The following PIWIL4 variants were observed in gnomAD, a reference collection of about 807,000 sequenced individuals.
PIWIL4 encodes the protein piwi-like protein 4.
In PIWIL4, 50 loss-of-function variants were observed where a neutral mutation model predicts 100.9. The ratio of observed to expected loss-of-function variants is 0.50; its 90% CI spans 0.39 to 0.63. The LOEUF is 0.63. Among genes scored for constraint, PIWIL4 ranks in the 20% least tolerant of loss-of-function variants. PIWIL4 has a pLI of 0.00. For synonymous variants in PIWIL4, 342 were observed against 367.5 expected, an observed-to-expected ratio of 0.93 and a Z score of 0.79; for missense variants, 887 against 1,043.3, an observed-to-expected ratio of 0.85 and a Z score of 2.06.
chr11:94,587,388 G>A, intron 7 of PIWIL4, 141 bp downstream of exon 7: 1 of 919,136 alleles, frequency 1.1e-6, no homozygotes, highest in Non-Finnish European at 1.6e-6. Context: ...TGGTTGTTTT[G>A]CTGTCTGGAG....
chr11:94,574,402 C>T (rs899567916), intron 2 of PIWIL4, among the ~76,000 whole-genome samples: 1 of 152,196 alleles, frequency 6.6e-6, no homozygotes, highest in Non-Finnish European at 1.5e-5. Flanking sequence ...GAGAGCTGCC[C>T]TCCCTAAATA....
intron 15 of PIWIL4, among the ~76,000 whole-genome samples, chr11:94,614,342 T>C (rs1156588201): frequency 6.7e-6 from 1 of 149,072 alleles, no homozygotes; most frequent in Non-Finnish European, 1.5e-5. Context: ...AGTTTCGCTC[T>C]TGTCACGCAG....
intron 2 of PIWIL4, among the ~76,000 whole-genome samples, chr11:94,570,283 C>A (rs375334688): frequency 7.6e-4 from 115 of 152,182 alleles, no homozygotes; most frequent in African/African-American, 2.7e-3. Flanking sequence ...TATTTTCTCA[C>A]AAATCTGGAT....
Position 94,589,149 on chromosome 11 carries a change from G to A in PIWIL4, c.943G>A (p.Asp315Asn), listed in dbSNP as rs764738742. Residue 315 changes from aspartate to asparagine, a missense_variant, in exon 8 of 20, where the codon GAC (aspartate) becomes AAC (asparagine). By Grantham distance (23) the Asp-to-Asn change is conservative. Transcript: ENST00000299001. ...CAATAACAGAACCTACTCCATTGATGACATTGACTGGTCAGTGAAGCCCAC... is the reference window on the plus strand; with the variant it reads ...CAATAACAGAACCTACTCCATTGATAACATTGACTGGTCAGTGAAGCCCAC... ...RYNNRTYSID[D>N]IDWSVKPTHT... The A allele has an allele frequency of 1.2e-5, 20 of 1,611,854 alleles. No homozygotes were observed. In the South Asian group the frequency reaches 2.1e-4, roughly 17 times the overall value.
chr11:94,587,327 A>G, intron 7 of PIWIL4, 80 bp downstream of exon 7: 2 of 1,374,442 alleles, frequency 1.5e-6, no homozygotes, highest in Non-Finnish European at 2.0e-6. Context: ...GTGTTGGAGT[A>G]TTGGCCCAAT....
intron 15 of PIWIL4, among the ~76,000 whole-genome samples, chr11:94,614,914 G>A (rs1323522649): frequency 6.6e-6 from 1 of 152,256 alleles, no homozygotes; most frequent in Non-Finnish European, 1.5e-5. Flanking sequence ...TGCTCATTTT[G>A]TGTACCTTCT....
chr11:94,595,566 A>G (rs1948546361), intron 10 of PIWIL4, 140 bp downstream of exon 10: 1 of 680,348 alleles, frequency 1.5e-6, no homozygotes, highest in Non-Finnish European at 2.4e-6. Flanking sequence ...TGCTGTCCAC[A>G]GCCCTTCATC....
chr11:94,614,300 C>CTTTTTTTTTTTTTT (rs57731239), intron 15 of PIWIL4, among the ~76,000 whole-genome samples: 15 of 120,126 alleles, frequency 1.2e-4, no homozygotes, highest in South Asian at 2.7e-4. Flanking sequence ...TTTTTCTTTT[C>CTTTTTTTTTTTTTT]TTTTTTTTTT....
At chr11:94,603,923 A>G (rs1948680779) in intron 12 of PIWIL4, 61 bp from the exon 13 acceptor site, 1 of 1,010,000 alleles carries the variant, frequency 9.9e-7, no homozygotes, top group Middle Eastern at 3.0e-4. Flanking sequence ...TTCTAATGCC[A>G]TATAAGTATG....
chr11:94,620,764 C>T, intron 19 of PIWIL4, 112 bp from the exon 20 acceptor site: 3 of 725,462 alleles, frequency 4.1e-6, no homozygotes, highest in South Asian at 2.0e-5. Context: ...TGTTGTTTAC[C>T]CAGAAGCCCA....
In PIWIL4 at chr11:94,587,230, G is replaced by A. The variant is rs1263428611; in HGVS notation, c.897G>A (p.Gly299=). The part of the protein sequence containing the change: ...FTQTCEKQLI[G]LIVLTRYNNR... ...AGACGTGTGAGAAGCAGCTAATAGG[G>A]CTCATTGTCCTTACAAGGTACAAGC... Residue 299 remains glycine (G), a synonymous_variant, in exon 7 of 20, where the codon GGG becomes GGA. Coordinates refer to ENST00000299001, the MANE Select transcript of PIWIL4 (RefSeq NM_152431.3). The A allele has an allele frequency of 6.2e-7, 1 of 1,613,854 alleles. No homozygotes were observed. Among genetic ancestry groups the A allele is most frequent in the Non-Finnish European group, 8.5e-7 (1 of 1,179,970 alleles).
chr11:94,598,015 T>A, intron 11 of PIWIL4, 100 bp downstream of exon 11: 2 of 859,298 alleles, frequency 2.3e-6, no homozygotes, highest in South Asian at 3.2e-5. Context: ...AATATTTGGT[T>A]TGGCCATGTA....
chr11:94,568,870 T>G, intron 2 of PIWIL4, 62 bp downstream of exon 2: 1 of 1,454,380 alleles, frequency 6.9e-7, no homozygotes, highest in Non-Finnish European at 9.6e-7. Context: ...AGAGGAGCCC[T>G]GCCAGGCCTT....
At chr11:94,613,440 T>C (rs1948808957) in intron 15 of PIWIL4, among the ~76,000 whole-genome samples, 1 of 152,232 alleles carries the variant, frequency 6.6e-6, no homozygotes, top group African/African-American at 2.4e-5. Context: ...GAATTCTTCT[T>C]TGGGTTGAAC....
intron 5 of PIWIL4, 122 bp from the exon 6 acceptor site, chr11:94,585,323 G>A: frequency 1.6e-6 from 1 of 630,448 alleles, no homozygotes; most frequent in Non-Finnish European, 2.7e-6. Context: ...TTGCAGTCCT[G>A]TGAGAATGAG....
intron 15 of PIWIL4, among the ~76,000 whole-genome samples, chr11:94,610,930 A>G (rs931480475): frequency 1.2e-4 from 19 of 152,140 alleles, no homozygotes; most frequent in African/African-American, 4.6e-4. Context: ...TAAGTCTTTA[A>G]TCCATTTAGA....
chr11:94,596,898 G>GT (rs1242416161), intron 10 of PIWIL4, among the ~76,000 whole-genome samples: 3 of 152,218 alleles, frequency 2.0e-5, no homozygotes, highest in Non-Finnish European at 4.4e-5. Flanking sequence ...CAGAGAGACA[G>GT]TGGTGAAGAG....
chr11:94,613,929 ATTT>A (rs1248718178), intron 15 of PIWIL4, among the ~76,000 whole-genome samples: 1 of 151,548 alleles, frequency 6.6e-6, no homozygotes, highest in African/African-American at 2.4e-5. Context: ...TGTCCAGCTA[ATTT>A]TTTTTATTTT....
chr11:94,579,907 C>T (rs1948290281), intron 4 of PIWIL4, among the ~76,000 whole-genome samples: 1 of 152,170 alleles, frequency 6.6e-6, no homozygotes, highest in Non-Finnish European at 1.5e-5. Flanking sequence ...ATTTCTAGCA[C>T]TAGTTTAGAA....
Sources: gnomAD v4.1 joint callset for allele counts (sites outside exome capture counted in the v4.1 genomes callset) on GRCh38, gnomAD v4.1.1 for gene constraint, MANE v1.5 for transcripts, NCBI Gene and HGNC (gene_info 2026-07-23, HGNC 2026-07-21) for gene names.